MARK4: variants seen among roughly 807,000 people sequenced by gnomAD.
MARK4 encodes MAP/microtubule affinity-regulating kinase 4.
In MARK4, 19 loss-of-function variants were observed where a neutral mutation model predicts 81.5. That is an observed-to-expected ratio of 0.23 (90% CI 0.16 to 0.34). The LOEUF (loss-of-function observed/expected upper bound fraction) is 0.34. Ranked by LOEUF, MARK4 falls within the 10% of genes least tolerant of loss-of-function variation. MARK4 has a pLI of 1.00. For missense variants in MARK4, 772 were observed against 1,058.8 expected (o/e 0.73, Z 3.76); for synonymous variants, 436 against 439.0 (o/e 0.99, Z 0.08).
At position 45,255,732 on chromosome 19, in the gene MARK4, C is replaced by T. The variant is rs182352180; in HGVS notation, c.52-3257C>T. On this transcript the variant is annotated intron_variant, in intron 1 of 16. Transcript: ENST00000262891. ...TAGTTGTCGTTGCTATCAAGTGGCCCGGCAGTGTCTTTCTCAGAGACTTGG... is the reference window on the plus strand; with the variant it reads ...TAGTTGTCGTTGCTATCAAGTGGCCTGGCAGTGTCTTTCTCAGAGACTTGG... 3.7e-4 allele frequency among the ~76,000 whole-genome samples: 56 copies of T among 152,302 alleles called. 1 individual carries two copies. In the East Asian group the frequency reaches 7.7e-3, roughly 21 times the overall value.
chr19:45,260,400 A>AC (rs1246756067), intron 2 of MARK4, among the ~76,000 whole-genome samples: 1 of 150,744 alleles, frequency 6.6e-6, no homozygotes, highest in Non-Finnish European at 1.5e-5. Context: ...AAAAAAAAAA[A>AC]AAAAAAATTG....
intron 15 of MARK4, 37 bp downstream of exon 15, chr19:45,297,991 G>T: frequency 6.5e-7 from 1 of 1,548,874 alleles, no homozygotes; most frequent in Non-Finnish European, 8.7e-7. Context: ...AGGGCGGGGC[G>T]GGGGGCCGAT....
intron 14 of MARK4, among the ~76,000 whole-genome samples, chr19:45,295,260 G>A (rs374783317): frequency 1.3e-5 from 2 of 152,024 alleles, no homozygotes; most frequent in East Asian, 3.9e-4. Context: ...TCTGGAGGCA[G>A]AGGCAGGACA....
At chr19:45,272,418 C>T (rs1394148233) in intron 8 of MARK4, among the ~76,000 whole-genome samples, 1 of 152,114 alleles carries the variant, frequency 6.6e-6, no homozygotes, top group Admixed American at 6.6e-5. Flanking sequence ...TGACAGAAGC[C>T]AGTCACATAA....
intron 14 of MARK4, 109 bp downstream of exon 14, chr19:45,294,561 G>A: frequency 2.2e-6 from 2 of 918,892 alleles, no homozygotes; most frequent in East Asian, 2.6e-5. Flanking sequence ...ATGGGGACCA[G>A]AGAGTGAGTG....
At chr19:45,286,274 T>C (rs1970741293) in intron 12 of MARK4, among the ~76,000 whole-genome samples, 1 of 151,948 alleles carries the variant, frequency 6.6e-6, no homozygotes, top group Admixed American at 6.6e-5. Context: ...CAGGCTGGTC[T>C]CAATCTCCTG....
At chr19:45,253,128 A>G (rs1599774401) in intron 1 of MARK4, among the ~76,000 whole-genome samples, 1 of 151,392 alleles carries the variant, frequency 6.6e-6, no homozygotes, top group Non-Finnish European at 1.5e-5. Context: ...GCTTTCTCCA[A>G]ATCCTTCTGC....
intron 14 of MARK4, among the ~76,000 whole-genome samples, chr19:45,295,308 G>C (rs1048222194): frequency 6.6e-6 from 1 of 151,852 alleles, no homozygotes; most frequent in African/African-American, 2.4e-5. Context: ...GCAGTGAGCC[G>C]AGATCACGCC....
intron 1 of MARK4, among the ~76,000 whole-genome samples, chr19:45,257,387 T>C (rs1034490084): frequency 1.4e-4 from 21 of 148,338 alleles, no homozygotes; most frequent in African/African-American, 4.9e-4. Flanking sequence ...CTTTCTCTTT[T>C]TTTTTTTTTT....
At position 45,294,278 on chromosome 19, in the gene MARK4, G is replaced by A. The variant is rs550387537; in HGVS notation, c.1495-71G>A. On this transcript the variant is annotated intron_variant, in intron 13 of 16. Coordinates refer to ENST00000262891, the MANE Select transcript of MARK4 (RefSeq NM_001199867.2). ...CTTATTCATCGATGGGGAGGGCAGA[G>A]AAGGGAAGAGGGAGAAGCTCAGGGG... 6 of 1,439,220 alleles carry A rather than the reference G, an allele frequency of 4.2e-6. No individual in the cohort carries two copies. The South Asian group carries it at 7.0e-5, about 17-fold the overall frequency. The allele number at this position is 1,439,220 out of a possible 1,614,324, so 89.2% of individuals were successfully genotyped here. A position where few individuals can be genotyped will look rare whatever the true frequency, so the allele number is the denominator to read the frequency against.
rs754811479 is a variant in MARK4, at chr19:45,264,820, G to A, written c.422-20G>A. 1.8e-5 allele frequency: 29 copies of A among 1,613,410 alleles called. No homozygotes were observed. The East Asian group carries it at 4.7e-4, about 26-fold the overall frequency. ...TGCCGCTGCACCTGACCCTGACCCCGCTCGGCCTCTGCCCTGCAGGAGAAG... is the reference window on the plus strand; with the variant it reads ...TGCCGCTGCACCTGACCCTGACCCCACTCGGCCTCTGCCCTGCAGGAGAAG... On this transcript the variant is annotated intron_variant, in intron 5 of 16. Coordinates refer to ENST00000262891, the MANE Select transcript of MARK4 (RefSeq NM_001199867.2).
At chr19:45,269,888 G>A (rs142610602) in intron 7 of MARK4, among the ~76,000 whole-genome samples, 2,112 of 152,194 alleles carry the variant, frequency 0.014, 44 homozygotes, top group African/African-American at 0.049. Flanking sequence ...GAGTCTCGCT[G>A]TGTTGCCCAG....
At chr19:45,299,945 C>T (rs551746128) in intron 16 of MARK4, 90 bp downstream of exon 16, 4 of 1,255,950 alleles carry the variant, frequency 3.2e-6, no homozygotes, top group African/African-American at 3.0e-5. Flanking sequence ...GATGGGGCCC[C>T]AGTCTCATCC....
rs150856880 is a variant in MARK4, at chr19:45,287,639, G to A, written c.1469G>A (p.Arg490Gln). The change falls in exon 13 of 17, where the codon CGG becomes CAG. Residue 490 changes from arginine to glutamine, a missense_variant. By Grantham distance (43) the Arg-to-Gln change is conservative. Coordinates refer to ENST00000262891, the MANE Select transcript of MARK4 (RefSeq NM_001199867.2). The stretch of plus-strand genomic sequence containing the variant: ...CCCAACAAGGCAGAGATCCCAGAGC[G>A]GCGGAAGGACAGCACGAGCACCCCC... ...HNPNKAEIPE[R>Q]RKDSTSTPNN... 325 of 1,598,064 alleles carry A rather than the reference G, an allele frequency of 2.0e-4. No individual in the cohort carries two copies. In the African/African-American group the frequency reaches 3.9e-3, roughly 19 times the overall value.
Position 45,280,751 on chromosome 19 carries a change from C to G in MARK4, c.1276+17C>G. 1 of 1,613,178 alleles carries G rather than the reference C, an allele frequency of 6.2e-7. No homozygotes were observed. Among genetic ancestry groups the G allele is most frequent in the Non-Finnish European group, 8.5e-7 (1 of 1,179,378 alleles). ...GCGATTTCTGTGAGTATCAACCCCA[C>G]GCCCTCACGCACCCTCCTTCTCCCC... On this transcript the variant is annotated intron_variant, in intron 12 of 16. Coordinates refer to ENST00000262891, the MANE Select transcript of MARK4 (RefSeq NM_001199867.2).
rs1481996457 is a variant in MARK4 at position 45,275,442 on chromosome 19, G to A, written c.787-2481G>A. On this transcript the variant is annotated intron_variant, in intron 8 of 16. Coordinates refer to ENST00000262891, the MANE Select transcript of MARK4 (RefSeq NM_001199867.2). ...CCAGGCTACAGCGAACTATGATCAC[G>A]CCACTGCACTCCAGCTTCGGTGACA... 4.0e-5 allele frequency among the ~76,000 whole-genome samples: 6 copies of A among 151,682 alleles called. No individual in the cohort carries two copies. The East Asian group carries it at 9.7e-4, about 24-fold the overall frequency.
chr19:45,260,224 T>G (rs1970363439), intron 2 of MARK4, among the ~76,000 whole-genome samples: 2 of 150,912 alleles, frequency 1.3e-5, no homozygotes, highest in Admixed American at 1.3e-4. Flanking sequence ...ACCCCGTCTC[T>G]ACTAAAAATA....
In MARK4 at chr19:45,303,931, T is replaced by A. The variant is rs1437051718; in HGVS notation, c.*1221T>A. 1 of 152,246 alleles carries A rather than the reference T, an allele frequency of 6.6e-6. No individual in the cohort carries two copies. The highest frequency in any genetic ancestry group is 2.4e-5 in the African/African-American group (1 of 41,440). 9.4% of individuals were successfully genotyped at this position (152,246 alleles called of 1,614,324 possible). A position where few individuals can be genotyped will look rare whatever the true frequency, so the allele number is the denominator to read the frequency against. On this transcript the variant is annotated 3_prime_UTR_variant, in exon 17 of 17. Coordinates refer to ENST00000262891, the MANE Select transcript of MARK4 (RefSeq NM_001199867.2). ...GCAAAAGCCCAGAAGTGGGAGTATGTGGTATATCTTCAGAGAACTGGGTAA... is the reference window on the plus strand; with the variant it reads ...GCAAAAGCCCAGAAGTGGGAGTATGAGGTATATCTTCAGAGAACTGGGTAA...
At chr19:45,298,011 C>T in intron 15 of MARK4, 57 bp downstream of exon 15, 1 of 1,549,762 alleles carries the variant, frequency 6.5e-7, no homozygotes, top group Non-Finnish European at 8.7e-7. Flanking sequence ...TGGGACCTAA[C>T]CTGTCTTCCA....
Sources: gnomAD v4.1 joint callset for allele counts (sites outside exome capture counted in the v4.1 genomes callset) on GRCh38, gnomAD v4.1.1 for gene constraint, MANE v1.5 for transcripts, NCBI Gene and HGNC (gene_info 2026-07-23, HGNC 2026-07-21) for gene names.